ZRANB3: variants seen among roughly 807,000 people sequenced by gnomAD.
The protein encoded by ZRANB3 is DNA annealing helicase and endonuclease ZRANB3.
A neutral mutation model predicts 133.8 loss-of-function variants in ZRANB3; 125 were observed. The ratio of observed to expected loss-of-function variants is 0.93; its 90% CI spans 0.81 to 1.08. The LOEUF (loss-of-function observed/expected upper bound fraction) is 1.08. Ranked by LOEUF, ZRANB3 falls within the 50% of genes least tolerant of loss-of-function variation. The probability of loss-of-function intolerance (pLI) is 0.00; values close to 1 mark genes in which losing one functional copy is unlikely to be tolerated. For synonymous variants in ZRANB3, 387 were observed against 432.7 expected (o/e 0.89, Z 1.31); for missense variants, 1,229 against 1,275.5 (o/e 0.96, Z 0.56).
intron 11 of ZRANB3, 86 bp downstream of exon 11, chr2:135,268,876 A>C (rs2105116734): frequency 7.5e-7 from 1 of 1,335,650 alleles, no homozygotes; most frequent in East Asian, 2.4e-5. Context: ...CCTTTGCCTG[A>C]AAACACTAAA....
intron 2 of ZRANB3, among the ~76,000 whole-genome samples, chr2:135,461,061 C>T (rs1394232598): frequency 6.6e-6 from 1 of 152,158 alleles, no homozygotes; most frequent in East Asian, 1.9e-4. Context: ...TCTATCACTG[C>T]ATAAAGTTCT....
chr2:135,458,130 C>T (rs537065747), intron 2 of ZRANB3, among the ~76,000 whole-genome samples: 14 of 152,092 alleles, frequency 9.2e-5, no homozygotes, highest in East Asian at 1.9e-4. Flanking sequence ...ACTATTGTTG[C>T]GGCACTATTT....
intron 8 of ZRANB3, among the ~76,000 whole-genome samples, chr2:135,303,176 A>T (rs1010551626): frequency 1.3e-5 from 2 of 152,148 alleles, no homozygotes; most frequent in Non-Finnish European, 2.9e-5. Context: ...CATTTTCCTA[A>T]CAGTATTTTT....
intron 2 of ZRANB3, among the ~76,000 whole-genome samples, chr2:135,480,606 T>C (rs552216169): frequency 1.5e-4 from 23 of 152,082 alleles, no homozygotes; most frequent in African/African-American, 5.6e-4. Context: ...AGGTTTTTTT[T>C]AATCTTTTAT....
At chr2:135,454,553 C>T (rs1690410771) in intron 2 of ZRANB3, among the ~76,000 whole-genome samples, 1 of 152,148 alleles carries the variant, frequency 6.6e-6, no homozygotes. Flanking sequence ...AGTGTACACT[C>T]TACCCAAAAG....
At chr2:135,492,514 G>C (rs1208741186) in intron 2 of ZRANB3, among the ~76,000 whole-genome samples, 1 of 152,136 alleles carries the variant, frequency 6.6e-6, no homozygotes, top group Non-Finnish European at 1.5e-5. Flanking sequence ...TAAGGTGTCT[G>C]CTCCCAGTAC....
chr2:135,528,707 T>C (rs1007356581), intron 1 of ZRANB3, among the ~76,000 whole-genome samples: 1 of 152,174 alleles, frequency 6.6e-6, no homozygotes, highest in African/African-American at 2.4e-5. Context: ...CTGAATATCC[T>C]AATTGCATTA....
chr2:135,457,111 A>G (rs1480372467), intron 2 of ZRANB3, among the ~76,000 whole-genome samples: 1 of 152,212 alleles, frequency 6.6e-6, no homozygotes, highest in Non-Finnish European at 1.5e-5. Context: ...TTAACTCAGC[A>G]TGATGTTTTC....
At chr2:135,264,781 C>T (rs1194405897) in intron 12 of ZRANB3, among the ~76,000 whole-genome samples, 3 of 150,110 alleles carry the variant, frequency 2.0e-5, no homozygotes, top group Non-Finnish European at 3.0e-5. Context: ...CAGTCTCACT[C>T]TATCGCCCAG....
rs1177470526 is a variant in ZRANB3 at position 135,386,953 on chromosome 2, C to A, written c.180+3849G>T. Among the ~76,000 whole-genome samples the A allele has an allele frequency of 4.0e-5, 6 of 150,016 alleles. No homozygotes were observed. In the South Asian group the frequency reaches 8.4e-4, roughly 21 times the overall value. ...CATGTATACCTATGTAACAAACCTG[C>A]ACGTTTTGCGCAGGTACCCTAGATC... is the stretch of plus-strand genomic sequence containing the variant. On this transcript the variant is annotated intron_variant, in intron 3 of 20. Coordinates refer to ENST00000264159, the MANE Select transcript of ZRANB3 (RefSeq NM_032143.4).
At chr2:135,507,791 CA>C (rs897239921) in intron 1 of ZRANB3, among the ~76,000 whole-genome samples, 1 of 151,584 alleles carries the variant, frequency 6.6e-6, no homozygotes, top group Non-Finnish European at 1.5e-5. Flanking sequence ...TTGTTGCTTA[CA>C]AAAGATCATA....
At chr2:135,241,072 G>C (rs1193718953) in intron 12 of ZRANB3, among the ~76,000 whole-genome samples, 1 of 152,018 alleles carries the variant, frequency 6.6e-6, no homozygotes, top group Non-Finnish European at 1.5e-5. Context: ...ATTCTGCTCA[G>C]GACTTAAGAT....
intron 6 of ZRANB3, among the ~76,000 whole-genome samples, chr2:135,324,159 C>T (rs1242319773): frequency 6.6e-6 from 1 of 151,740 alleles, no homozygotes; most frequent in Non-Finnish European, 1.5e-5. Flanking sequence ...TATACATGTG[C>T]CATGTTGGTG....
At chr2:135,316,168 G>A (rs575787682) in intron 6 of ZRANB3, among the ~76,000 whole-genome samples, 1 of 152,266 alleles carries the variant, frequency 6.6e-6, no homozygotes, top group East Asian at 1.9e-4. Flanking sequence ...ATATTTAGAA[G>A]GCATAATGCA....
intron 2 of ZRANB3, among the ~76,000 whole-genome samples, chr2:135,404,083 C>T (rs544663069): frequency 1.0e-3 from 154 of 152,264 alleles, no homozygotes; most frequent in Admixed American, 1.7e-3. Context: ...TCACCAGCAA[C>T]GGAACAAAGC....
chr2:135,466,878 T>A (rs761167145), intron 2 of ZRANB3, among the ~76,000 whole-genome samples: 2 of 152,080 alleles, frequency 1.3e-5, no homozygotes, highest in Non-Finnish European at 2.9e-5. Flanking sequence ...GGTTTCACCA[T>A]GTTGCCCAGG....
chr2:135,236,234 A>C (rs1473187408), intron 12 of ZRANB3, among the ~76,000 whole-genome samples: 1 of 152,172 alleles, frequency 6.6e-6, no homozygotes, highest in Non-Finnish European at 1.5e-5. Context: ...CTTAGAAAGG[A>C]AGTGAAGGAC....
intron 3 of ZRANB3, among the ~76,000 whole-genome samples, chr2:135,375,732 G>A (rs542997263): frequency 1.8e-3 from 272 of 151,266 alleles, no homozygotes; most frequent in African/African-American, 6.3e-3. Flanking sequence ...GAGCATGCCT[G>A]TAATCCCAGC....
chr2:135,201,665 A>C (rs1693631388), intron 20 of ZRANB3, among the ~76,000 whole-genome samples: 1 of 133,758 alleles, frequency 7.5e-6, no homozygotes, highest in Admixed American at 7.3e-5. Flanking sequence ...ACTCTGTCTC[A>C]AAAAAAAAAA....
Sources: allele counts gnomAD v4.1 joint callset (sites outside exome capture counted in the v4.1 genomes callset), GRCh38; gene constraint gnomAD v4.1.1; transcripts MANE v1.5; gene names NCBI Gene and HGNC (gene_info 2026-07-23, HGNC 2026-07-21).